The following TENM2 variants were observed in gnomAD, a reference collection of about 807,000 sequenced individuals.
TENM2 encodes teneurin-2.
In TENM2, 52 loss-of-function variants were observed where a neutral mutation model predicts 245.2. The observed-to-expected ratio is 0.21, with a 90% confidence interval of 0.17 to 0.27. The LOEUF (loss-of-function observed/expected upper bound fraction) is 0.27. Among genes scored for constraint, TENM2 ranks in the 10% least tolerant of loss-of-function variants. TENM2 has a pLI of 1.00. For synonymous variants in TENM2, 1,363 were observed against 1,438.9 expected, an observed-to-expected ratio of 0.95 and a Z score of 1.19; for missense variants, 3,046 against 3,666.8, an observed-to-expected ratio of 0.83 and a Z score of 4.37.
intron 2 of TENM2, among the ~76,000 whole-genome samples, chr5:167,604,398 A>T (rs529715175): frequency 6.6e-6 from 1 of 152,144 alleles, no homozygotes. Flanking sequence ...ATTTTTTTCA[A>T]TCTCTTCATT....
chr5:168,000,810 T>C (rs1784368170), intron 5 of TENM2, among the ~76,000 whole-genome samples: 1 of 152,220 alleles, frequency 6.6e-6, no homozygotes, highest in Non-Finnish European at 1.5e-5. Flanking sequence ...TAAGGTGCAT[T>C]CTGATTCCAG....
intron 4 of TENM2, among the ~76,000 whole-genome samples, chr5:167,957,437 T>C (rs527648897): frequency 6.6e-6 from 1 of 152,314 alleles, no homozygotes; most frequent in Non-Finnish European, 1.5e-5. Context: ...CCTGGATTCA[T>C]TAATTTTTTG....
chr5:167,520,262 C>G (rs1395507162), intron 2 of TENM2, among the ~76,000 whole-genome samples: 1 of 152,088 alleles, frequency 6.6e-6, no homozygotes, highest in East Asian at 1.9e-4. Context: ...ATCAAGATGC[C>G]TAAAATGTAG....
intron 2 of TENM2, among the ~76,000 whole-genome samples, chr5:167,402,727 G>A (rs543252897): frequency 7.2e-5 from 11 of 152,136 alleles, no homozygotes; most frequent in Admixed American, 3.3e-4. Flanking sequence ...ATAGCCATTC[G>A]TATTTTTAAT....
chr5:167,458,077 C>G (rs1278600212), intron 2 of TENM2, among the ~76,000 whole-genome samples: 1 of 152,030 alleles, frequency 6.6e-6, no homozygotes, highest in Non-Finnish European at 1.5e-5. Flanking sequence ...CAGTGTTGCT[C>G]TTTTGGAATG....
In TENM2 at chr5:167,987,964, G is replaced by A. The variant is rs531988680; in HGVS notation, c.948-4980G>A. On this transcript the variant is annotated intron_variant, in intron 4 of 28. Transcript: ENST00000518659. Reference sequence around the variant, plus strand: ...TTAAACCCCAGAGACTAGAAGGAAGGGAGGTGATAACTAAATGGGTTTCTT... The same window carrying A: ...TTAAACCCCAGAGACTAGAAGGAAGAGAGGTGATAACTAAATGGGTTTCTT... Among the ~76,000 whole-genome samples the A allele has an allele frequency of 1.5e-3, 221 of 152,254 alleles. 1 individual carries two copies. Among genetic ancestry groups the A allele is most frequent in the African/African-American group, 5.1e-3 (212 of 41,558 alleles).
chr5:167,032,580 T>G, the TENM2 span, among the ~76,000 whole-genome samples: 1 of 152,180 alleles, frequency 6.6e-6, no homozygotes, highest in Non-Finnish European at 1.5e-5. Flanking sequence ...GTTTTCAAAT[T>G]GTTTATAAGC....
intron 6 of TENM2, among the ~76,000 whole-genome samples, chr5:168,049,421 A>G (rs1210685396): frequency 6.6e-6 from 1 of 152,244 alleles, no homozygotes; most frequent in Non-Finnish European, 1.5e-5. Flanking sequence ...GAAATTGTTT[A>G]TATGTGTATA....
At chr5:167,243,027 GT>G in the TENM2 span, among the ~76,000 whole-genome samples, 77 of 147,244 alleles carry the variant, frequency 5.2e-4, 1 homozygote, top group South Asian at 6.5e-4. Flanking sequence ...ACATGTTGAG[GT>G]TTTTTTTTTT....
chr5:168,173,716 CT>C (rs1759069770), intron 13 of TENM2, among the ~76,000 whole-genome samples: 1 of 152,190 alleles, frequency 6.6e-6, no homozygotes, highest in Admixed American at 6.5e-5. Flanking sequence ...TAAAGATGCT[CT>C]GTCTGGTGGG....
chr5:167,207,567 A>T, the TENM2 span, among the ~76,000 whole-genome samples: 1 of 152,162 alleles, frequency 6.6e-6, no homozygotes, highest in Non-Finnish European at 1.5e-5. Context: ...CCAGACACGG[A>T]GTTAGAAGTT....
intron 2 of TENM2, among the ~76,000 whole-genome samples, chr5:167,454,960 A>G (rs1765824516): frequency 6.6e-6 from 1 of 152,214 alleles, no homozygotes; most frequent in African/African-American, 2.4e-5. Context: ...TGCTGTTACC[A>G]GAAATAAGGG....
At chr5:167,745,575 A>G (rs915557492) in intron 2 of TENM2, among the ~76,000 whole-genome samples, 7 of 152,256 alleles carry the variant, frequency 4.6e-5, no homozygotes, top group Middle Eastern at 6.8e-3. Flanking sequence ...GCTTTCCACA[A>G]TTTTCAGCAA....
the TENM2 span, among the ~76,000 whole-genome samples, chr5:167,142,733 G>T: frequency 6.6e-6 from 1 of 152,098 alleles, no homozygotes; most frequent in African/African-American, 2.4e-5. Context: ...TGTATTTTTA[G>T]TAGAGACGGG....
At position 168,018,459 on chromosome 5, in the gene TENM2, T is replaced by C. The variant is rs2617964; in HGVS notation, c.1186+25277T>C. Reference sequence around the variant, plus strand: ...AATGAGCTTTAGGGGGAGAAAAGGATTGCATTTCACTCTCTTCTTGGGTCT... The same window carrying C: ...AATGAGCTTTAGGGGGAGAAAAGGACTGCATTTCACTCTCTTCTTGGGTCT... On this transcript the variant is annotated intron_variant, in intron 5 of 28. Coordinates refer to ENST00000518659, the Ensembl canonical transcript of TENM2. 6.4e-3 allele frequency among the ~76,000 whole-genome samples: 966 copies of C among 151,898 alleles called. 9 individuals are homozygous for C. Among genetic ancestry groups the C allele is most frequent in the African/African-American group, 0.022 (906 of 41,382 alleles).
At chr5:167,541,775 G>T (rs1772229099) in intron 2 of TENM2, among the ~76,000 whole-genome samples, 2 of 152,238 alleles carry the variant, frequency 1.3e-5, no homozygotes, top group South Asian at 4.1e-4. Flanking sequence ...GAAACAATGT[G>T]CATTAGGAAA....
intron 2 of TENM2, among the ~76,000 whole-genome samples, chr5:167,849,216 T>C (rs1770333829): frequency 6.6e-6 from 1 of 152,124 alleles, no homozygotes; most frequent in Admixed American, 6.5e-5. Flanking sequence ...GCTTCTGTGG[T>C]CATATCTCCT....
intron 1 of TENM2, among the ~76,000 whole-genome samples, chr5:167,372,701 C>T (rs964671720): frequency 1.3e-5 from 2 of 152,172 alleles, no homozygotes; most frequent in African/African-American, 4.8e-5. Context: ...AATGAAGCAA[C>T]ATATCTTATG....
chr5:167,681,317 C>T (rs1756691470), intron 2 of TENM2, among the ~76,000 whole-genome samples: 1 of 152,108 alleles, frequency 6.6e-6, no homozygotes, highest in African/African-American at 2.4e-5. Flanking sequence ...TTCCTAATAG[C>T]ATATCATGGC....
Sources: gnomAD v4.1 joint callset for allele counts (sites outside exome capture counted in the v4.1 genomes callset) on GRCh38, gnomAD v4.1.1 for gene constraint, MANE v1.5 for transcripts, NCBI Gene and HGNC (gene_info 2026-07-23, HGNC 2026-07-21) for gene names.